Variants in FAM151B observed in about 807,000 individuals in gnomAD.
FAM151B encodes protein FAM151B.
Under a neutral mutation model 31.2 loss-of-function variants are expected in FAM151B, and 24 were observed. The observed-to-expected ratio is 0.77, with a 90% CI of 0.56 to 1.08. FAM151B has a LOEUF of 1.08. Among genes scored for constraint, FAM151B ranks in the 50% least tolerant of loss-of-function variants. The pLI is 0.00. For missense variants in FAM151B, 293 were observed against 328.6 expected (o/e 0.89, Z 0.84); for synonymous variants, 105 against 111.4 (o/e 0.94, Z 0.36).
intron 3 of FAM151B, among the ~76,000 whole-genome samples, chr5:80,516,766 TTAATTTAGAA>T (rs1417864039): frequency 1.3e-5 from 2 of 152,182 alleles, no homozygotes; most frequent in Non-Finnish European, 2.9e-5. Context: ...AATTTATAGA[TTAATTTAGAA>T]GGATGTGTCA....
chr5:80,509,118 C>A (rs1447264116), intron 2 of FAM151B, among the ~76,000 whole-genome samples: 1 of 151,958 alleles, frequency 6.6e-6, no homozygotes, highest in African/African-American at 2.4e-5. Flanking sequence ...GGACTACAGG[C>A]GTGTGCCACC....
intron 5 of FAM151B, among the ~76,000 whole-genome samples, chr5:80,539,791 C>CT (rs1175385469): frequency 0.016 from 2,227 of 140,482 alleles, 59 homozygotes; most frequent in African/African-American, 0.053. Flanking sequence ...CGTGCCCTGC[C>CT]TTTTTTTTTT....
chr5:80,495,543 A>G (rs1420735254), intron 1 of FAM151B, among the ~76,000 whole-genome samples: 1 of 152,228 alleles, frequency 6.6e-6, no homozygotes, highest in Non-Finnish European at 1.5e-5. Context: ...AGAAATAGCA[A>G]AAGAGGGCAG....
At chr5:80,504,755 T>C (rs1430208277) in intron 2 of FAM151B, among the ~76,000 whole-genome samples, 1 of 152,124 alleles carries the variant, frequency 6.6e-6, no homozygotes, top group African/African-American at 2.4e-5. Context: ...CCTGATCTCC[T>C]GATCTGCCCT....
intron 5 of FAM151B, among the ~76,000 whole-genome samples, chr5:80,531,443 A>G (rs1580453476): frequency 6.6e-6 from 1 of 152,342 alleles, no homozygotes; most frequent in East Asian, 1.9e-4. Context: ...ATCAGAGTGA[A>G]CAGGCAACCT....
chr5:80,526,200 A>G (rs954391666), intron 5 of FAM151B, among the ~76,000 whole-genome samples: 7 of 152,118 alleles, frequency 4.6e-5, no homozygotes, highest in African/African-American at 1.2e-4. Context: ...TTGGTTGAAA[A>G]AAATCAGTGT....
At chr5:80,512,359 CT>C (rs1261101555) in intron 2 of FAM151B, among the ~76,000 whole-genome samples, 1 of 152,164 alleles carries the variant, frequency 6.6e-6, no homozygotes, top group Non-Finnish European at 1.5e-5. Context: ...TATCTCTGAA[CT>C]GATTAATATA....
chr5:80,523,913 A>C (rs1744833763), intron 5 of FAM151B, among the ~76,000 whole-genome samples: 2 of 152,176 alleles, frequency 1.3e-5, no homozygotes, highest in South Asian at 4.1e-4. Flanking sequence ...CCTCGTTGTT[A>C]AAGTATCCCG....
intron 1 of FAM151B, among the ~76,000 whole-genome samples, chr5:80,493,751 C>G (rs1283996555): frequency 1.3e-5 from 2 of 152,208 alleles, no homozygotes; most frequent in African/African-American, 4.8e-5. Context: ...GTTCTCTGCT[C>G]TCAAACCCTG....
chr5:80,539,878 TACC>T (rs1290998128), intron 5 of FAM151B, among the ~76,000 whole-genome samples: 1 of 152,082 alleles, frequency 6.6e-6, no homozygotes, highest in Non-Finnish European at 1.5e-5. Context: ...TTGCAAAAAC[TACC>T]ACATCTCCTT....
intron 4 of FAM151B, among the ~76,000 whole-genome samples, chr5:80,520,849 C>T (rs2112642854): frequency 6.8e-6 from 1 of 146,256 alleles, no homozygotes; most frequent in African/African-American, 2.5e-5. Context: ...TGCTCTGTTG[C>T]CCAGGCTGGA....
At chr5:80,538,412 CTTTCTTTCTTTCTT>C (rs1745634106) in intron 5 of FAM151B, among the ~76,000 whole-genome samples, 1 of 50,248 alleles carries the variant, frequency 2.0e-5, no homozygotes, top group African/African-American at 1.1e-4. Context: ...TTCTTTCTTT[CTTTCTTTCTTTCTT>C]TCTTTCTTTC....
At chr5:80,489,489 C>G (rs1018224530) in intron 1 of FAM151B, among the ~76,000 whole-genome samples, 1 of 152,166 alleles carries the variant, frequency 6.6e-6, no homozygotes. Context: ...AAAGCTCACA[C>G]TCAAGACTTA....
At chr5:80,508,440 T>C (rs1469016561) in intron 2 of FAM151B, among the ~76,000 whole-genome samples, 1 of 151,750 alleles carries the variant, frequency 6.6e-6, no homozygotes, top group Admixed American at 6.5e-5. Flanking sequence ...ACACTTGTTA[T>C]TGTACTTTTT....
rs1745902313 is a variant in FAM151B, at chr5:80,541,696, G to GA, written c.701dup (p.Asn234LysfsTer2). On this transcript the variant is annotated frameshift_variant, in exon 6 of 6. Transcript: ENST00000282226. LOFTEE classifies it high-confidence loss of function. ...AGGTACAGCCTGACTATTTGGACTGGAAAAAATGATAACTATTCCGTTGAA... is the reference window on the plus strand; with the variant it reads ...AGGTACAGCCTGACTATTTGGACTGGAAAAAAATGATAACTATTCCGTTGAA... The GA allele has an allele frequency of 2.5e-6, 4 of 1,613,454 alleles. No homozygotes were observed. The highest frequency in any genetic ancestry group is 1.7e-4 in the Middle Eastern group (1 of 6,054).
intron 2 of FAM151B, among the ~76,000 whole-genome samples, chr5:80,503,386 T>C (rs143423532): frequency 6.6e-6 from 1 of 152,028 alleles, no homozygotes; most frequent in South Asian, 2.1e-4. Flanking sequence ...TTAGGCAACA[T>C]AGTGAGACCC....
rs938139367 is a variant in FAM151B at position 80,501,664 on chromosome 5, C to G, written c.26-128C>G. 6.8e-6 allele frequency: 4 copies of G among 587,606 alleles called. No individual in the cohort carries two copies. The South Asian group carries it at 1.2e-4, about 17-fold the overall frequency. 36.4% of individuals were successfully genotyped at this position (587,606 alleles called of 1,614,324 possible). The stretch of plus-strand genomic sequence containing the variant: ...TTATAGTAACCTTTTTACTATCTAT[C>G]TATCTATCTATATATATATATCACA... On this transcript the variant is annotated intron_variant, in intron 1 of 5. Coordinates refer to ENST00000282226, the MANE Select transcript of FAM151B (RefSeq NM_205548.3).
chr5:80,501,331 CA>C, intron 1 of FAM151B: 1 of 1,263,116 alleles, frequency 7.9e-7, no homozygotes, highest in African/African-American at 1.5e-5. Flanking sequence ...AGAGACCACC[CA>C]TTTTGTAGAA....
intron 2 of FAM151B, among the ~76,000 whole-genome samples, chr5:80,507,667 C>T (rs567400097): frequency 1.6e-4 from 25 of 152,232 alleles, no homozygotes; most frequent in Admixed American, 5.2e-4. Context: ...GGCGACAGAA[C>T]GAGACTCTGT....
Sources: gnomAD v4.1 joint callset for allele counts (sites outside exome capture counted in the v4.1 genomes callset) on GRCh38, gnomAD v4.1.1 for gene constraint, MANE v1.5 for transcripts, NCBI Gene and HGNC (gene_info 2026-07-23, HGNC 2026-07-21) for gene names.